The following RBFOX1 variants were observed in gnomAD, a reference collection of about 807,000 sequenced individuals.
RBFOX1 encodes RNA binding fox-1 homolog 1, also known as RNA binding protein fox-1 homolog 1.
In RBFOX1, 8 loss-of-function variants were observed where a neutral mutation model predicts 57.7. The observed-to-expected ratio is 0.14, with a 90% confidence interval of 0.08 to 0.25. The LOEUF (loss-of-function observed/expected upper bound fraction) is 0.25. RBFOX1 is among the 10% of genes least tolerant of loss of function. The pLI is 1.00. For missense variants in RBFOX1, 611 were observed against 548.5 expected (o/e 1.11, Z -1.14); for synonymous variants, 326 against 222.4 (o/e 1.47, Z -4.15).
intron 1 of RBFOX1, among the ~76,000 whole-genome samples, chr16:5,452,790 T>C (rs2068467933): frequency 6.6e-6 from 1 of 152,040 alleles, no homozygotes; most frequent in African/African-American, 2.4e-5. Context: ...ATTACAGGCG[T>C]GCACCACCAC....
At chr16:7,685,509 C>T (rs1289121369) in intron 14 of RBFOX1, among the ~76,000 whole-genome samples, 1 of 152,036 alleles carries the variant, frequency 6.6e-6, no homozygotes, top group African/African-American at 2.4e-5. Flanking sequence ...TTTACTGACC[C>T]TCAGTTTTTT....
chr16:7,125,837 C>T (rs12446428), intron 4 of RBFOX1, among the ~76,000 whole-genome samples: 10,610 of 152,222 alleles, frequency 0.07, 414 homozygotes, highest in East Asian at 0.13. Flanking sequence ...AATCCCAGCA[C>T]TTTGGGAGGC....
intron 3 of RBFOX1, among the ~76,000 whole-genome samples, chr16:6,697,023 C>G (rs577115870): frequency 2.0e-3 from 305 of 152,260 alleles, no homozygotes; most frequent in Non-Finnish European, 3.9e-3. Flanking sequence ...TAAAGAAAAG[C>G]TTAGACATTT....
chr16:7,052,537 A>C (rs543379032), intron 4 of RBFOX1, among the ~76,000 whole-genome samples: 1 of 152,140 alleles, frequency 6.6e-6, no homozygotes, highest in Non-Finnish European at 1.5e-5. Context: ...TTCTGGGAGA[A>C]TTTGTGTTAT....
At chr16:5,309,431 T>A (rs925347857) in intron 1 of RBFOX1, among the ~76,000 whole-genome samples, 5 of 152,192 alleles carry the variant, frequency 3.3e-5, no homozygotes, top group African/African-American at 1.2e-4. Context: ...CAAAGTTGAT[T>A]GATCCTGAAG....
At position 5,454,963 on chromosome 16, in the gene RBFOX1, CTTT is replaced by C. The variant is rs1567535997; in HGVS notation, c.220-12252_220-12250del. ...CCTTCCTTCCTTCCTTCCTTCCTTTCTTTCTTTCTTTCTTTCTTTCTTTCTTTC... is the reference window on the plus strand; with the variant it reads ...CCTTCCTTCCTTCCTTCCTTCCTTTCCTTTCTTTCTTTCTTTCTTTCTTTC... On this transcript the variant is annotated intron_variant, in intron 1 of 2. Coordinates refer to the RBFOX1 transcript ENST00000585867. Among the ~76,000 whole-genome samples the C allele has an allele frequency of 2.4e-3, 117 of 48,716 alleles. 1 individual carries two copies. The highest frequency in any genetic ancestry group is 0.01 in the South Asian group (14 of 1,374). The allele number at this position is 48,716 out of a possible 152,430, so 32.0% of individuals were successfully genotyped here. A position where few individuals can be genotyped will look rare whatever the true frequency, so the allele number is the denominator to read the frequency against.
At chr16:5,841,678 G>A (rs572619165) in intron 3 of RBFOX1, among the ~76,000 whole-genome samples, 1 of 152,222 alleles carries the variant, frequency 6.6e-6, no homozygotes, top group South Asian at 2.1e-4. Flanking sequence ...GTAAGTCATG[G>A]GTGTCCTGTA....
chr16:6,475,457 C>G (rs1453109248), intron 2 of RBFOX1, among the ~76,000 whole-genome samples: 2 of 152,140 alleles, frequency 1.3e-5, no homozygotes, highest in African/African-American at 4.8e-5. Context: ...GTAAGGTGAA[C>G]CATTTTGTAG....
chr16:5,749,625 A>G (rs534476962), intron 3 of RBFOX1, among the ~76,000 whole-genome samples: 17 of 152,270 alleles, frequency 1.1e-4, no homozygotes, highest in East Asian at 3.9e-4. Flanking sequence ...TTGATCTTCA[A>G]TCACTGATAC....
chr16:6,031,993 T>C (rs1343108393), intron 1 of RBFOX1, among the ~76,000 whole-genome samples: 1 of 152,204 alleles, frequency 6.6e-6, no homozygotes. Context: ...ACTGGCTCTG[T>C]GTCACTTTCA....
At chr16:6,450,859 A>ATATG (rs2094603159) in intron 2 of RBFOX1, among the ~76,000 whole-genome samples, 1 of 89,656 alleles carries the variant, frequency 1.1e-5, no homozygotes, top group African/African-American at 4.3e-5. Flanking sequence ...ATATATATAT[A>ATATG]TATATATATA....
At chr16:7,563,567 A>G (rs1268965015) in intron 5 of RBFOX1, among the ~76,000 whole-genome samples, 1 of 152,166 alleles carries the variant, frequency 6.6e-6, no homozygotes, top group Non-Finnish European at 1.5e-5. Flanking sequence ...TCCCGGGTTC[A>G]GGCAATTCTC....
chr16:5,551,180 T>C (rs34556976), intron 2 of RBFOX1, among the ~76,000 whole-genome samples: 51,847 of 152,030 alleles, frequency 0.34, 9,633 homozygotes, highest in Non-Finnish European at 0.42. Flanking sequence ...TAAGTAACTG[T>C]CTCTGGAGCT....
At chr16:7,123,603 A>G (rs754489640) in intron 4 of RBFOX1, among the ~76,000 whole-genome samples, 2 of 152,076 alleles carry the variant, frequency 1.3e-5, no homozygotes, top group African/African-American at 2.4e-5. Flanking sequence ...GGCCTCAAGC[A>G]ATCCTCCTGC....
At chr16:7,188,948 G>T (rs1447651258) in intron 4 of RBFOX1, among the ~76,000 whole-genome samples, 1 of 152,122 alleles carries the variant, frequency 6.6e-6, no homozygotes, top group Admixed American at 6.5e-5. Flanking sequence ...TATAATTGCA[G>T]CCTGGGTAGC....
At position 6,250,768 on chromosome 16, in the gene RBFOX1, G is replaced by T. The variant is rs1050608175; in HGVS notation, c.-126-66227G>T. Among the ~76,000 whole-genome samples the T allele has an allele frequency of 7.9e-5, 12 of 152,224 alleles. No homozygotes were observed. In the Middle Eastern group the frequency reaches 0.02, roughly 259 times the overall value. ...CCAGCTTGAATCAGGCCTGTCTTGT[G>T]TGGGTTCATTATTTTGTTGGAAATT... is the stretch of plus-strand genomic sequence containing the variant. On this transcript the variant is annotated intron_variant, in intron 1 of 15. Coordinates refer to ENST00000550418, the MANE Select transcript of RBFOX1 (RefSeq NM_018723.4).
intron 4 of RBFOX1, among the ~76,000 whole-genome samples, chr16:7,103,313 G>A (rs538106803): frequency 6.6e-6 from 1 of 152,106 alleles, no homozygotes; most frequent in Non-Finnish European, 1.5e-5. Flanking sequence ...GTATAGCAAT[G>A]AGTAATCATT....
chr16:5,466,640 A>C (rs1029335061), intron 1 of RBFOX1, among the ~76,000 whole-genome samples: 1 of 152,180 alleles, frequency 6.6e-6, no homozygotes, highest in Non-Finnish European at 1.5e-5. Context: ...TGAACTCTTT[A>C]TCTCAACCTG....
At chr16:5,940,583 A>T (rs1197547780) in intron 4 of RBFOX1, among the ~76,000 whole-genome samples, 1 of 152,212 alleles carries the variant, frequency 6.6e-6, no homozygotes, top group Non-Finnish European at 1.5e-5. Flanking sequence ...ATTCTTTAAA[A>T]ATTTCAATCA....
Sources: gnomAD v4.1 joint callset for allele counts (sites outside exome capture counted in the v4.1 genomes callset) on GRCh38, gnomAD v4.1.1 for gene constraint, MANE v1.5 for transcripts, NCBI Gene and HGNC (gene_info 2026-07-23, HGNC 2026-07-21) for gene names.